Variants in UBE2E3 observed in about 807,000 individuals in gnomAD.
UBE2E3 encodes the protein ubiquitin-conjugating enzyme E2 E3.
A neutral mutation model predicts 23.6 loss-of-function variants in UBE2E3; 5 were observed. That is an observed-to-expected ratio of 0.21 (90% CI 0.11 to 0.44). The LOEUF (loss-of-function observed/expected upper bound fraction) is 0.44. UBE2E3 is among the 20% of genes least tolerant of loss of function. UBE2E3 has a pLI of 0.99. For synonymous variants in UBE2E3, 78 were observed against 87.5 expected (o/e 0.89, Z 0.60); for missense variants, 81 against 249.8 (o/e 0.32, Z 4.55).
At chr2:180,989,899 G>A (rs750011226) in intron 3 of UBE2E3, 10 of 1,548,558 alleles carry the variant, frequency 6.5e-6, no homozygotes, top group Non-Finnish European at 8.7e-6. Context: ...AGCAAGTCTT[G>A]CATAGAGTGT....
At chr2:181,048,338 C>A (rs973343122) in intron 3 of UBE2E3, among the ~76,000 whole-genome samples, 28 of 152,092 alleles carry the variant, frequency 1.8e-4, no homozygotes, top group Non-Finnish European at 3.7e-4. Context: ...TCAATAACTC[C>A]TTAATGAATG....
intron 3 of UBE2E3, among the ~76,000 whole-genome samples, chr2:181,031,625 G>A (rs890086528): frequency 6.6e-6 from 1 of 151,776 alleles, no homozygotes; most frequent in African/African-American, 2.4e-5. Context: ...CTCTTTCTGC[G>A]CCCCTCCTCC....
chr2:181,009,584 TC>T (rs1378814908), intron 3 of UBE2E3, among the ~76,000 whole-genome samples: 1 of 151,010 alleles, frequency 6.6e-6, no homozygotes, highest in Non-Finnish European at 1.5e-5. Flanking sequence ...TCTATATAGT[TC>T]TTTTTTGTTC....
chr2:181,024,095 A>G (rs1008709063), intron 3 of UBE2E3, among the ~76,000 whole-genome samples: 2 of 152,072 alleles, frequency 1.3e-5, no homozygotes, highest in Non-Finnish European at 2.9e-5. Context: ...AGGTCAGGTA[A>G]ACATGTATGT....
intron 3 of UBE2E3, chr2:180,990,095 A>G (rs1684610216): frequency 3.8e-6 from 4 of 1,058,554 alleles, no homozygotes; most frequent in African/African-American, 3.2e-5. Flanking sequence ...AAGCTGAAAC[A>G]TCTTCAAACT....
intron 3 of UBE2E3, among the ~76,000 whole-genome samples, chr2:181,017,246 T>C (rs910301992): frequency 6.6e-6 from 1 of 152,104 alleles, no homozygotes; most frequent in African/African-American, 2.4e-5. Context: ...TAAAGTGGGA[T>C]ACAGTGGTCA....
intron 3 of UBE2E3, among the ~76,000 whole-genome samples, chr2:181,009,896 T>C (rs967877235): frequency 1.1e-4 from 16 of 152,320 alleles, no homozygotes; most frequent in South Asian, 2.1e-4. Flanking sequence ...ATGTATAGCC[T>C]ATTTTTCTTG....
chr2:181,020,367 A>G (rs989220649), intron 3 of UBE2E3, among the ~76,000 whole-genome samples: 1 of 152,130 alleles, frequency 6.6e-6, no homozygotes, highest in African/African-American at 2.4e-5. Flanking sequence ...ATAAAGATTA[A>G]GGGCCACCAT....
At chr2:181,058,010 A>G (rs1279328687) in intron 4 of UBE2E3, among the ~76,000 whole-genome samples, 185 bp downstream of exon 4, 1 of 151,818 alleles carries the variant, frequency 6.6e-6, no homozygotes, top group East Asian at 1.9e-4. Context: ...ATAATTTGTA[A>G]TAAACAGAAA....
chr2:181,026,514 A>AT (rs776158592), intron 3 of UBE2E3, among the ~76,000 whole-genome samples: 8,155 of 138,932 alleles, frequency 0.059, 365 homozygotes, highest in African/African-American at 0.13. Context: ...TCTTTCAACT[A>AT]TTTTTTTTTT....
intron 3 of UBE2E3, among the ~76,000 whole-genome samples, chr2:181,050,022 T>G (rs1452343831): frequency 2.6e-5 from 4 of 151,992 alleles, no homozygotes; most frequent in Non-Finnish European, 4.4e-5. Flanking sequence ...GGCATCACAG[T>G]AATTTACAAA....
chr2:181,031,352 G>T (rs1334388057), intron 3 of UBE2E3, among the ~76,000 whole-genome samples: 1 of 151,972 alleles, frequency 6.6e-6, no homozygotes, highest in East Asian at 1.9e-4. Context: ...TGTGTTTGCT[G>T]TATTACTTTT....
At chr2:181,062,103 A>G (rs1687172638) in intron 5 of UBE2E3, among the ~76,000 whole-genome samples, 1 of 151,730 alleles carries the variant, frequency 6.6e-6, no homozygotes, top group African/African-American at 2.4e-5. Context: ...CTGGGAAGTA[A>G]TGTTGTAAAT....
chr2:180,990,235 G>A (rs1185703784), intron 3 of UBE2E3, among the ~76,000 whole-genome samples: 1 of 152,186 alleles, frequency 6.6e-6, no homozygotes, highest in African/African-American at 2.4e-5. Context: ...CATAACTGAA[G>A]GAGAAGGGGG....
intron 3 of UBE2E3, among the ~76,000 whole-genome samples, chr2:181,038,181 CT>C (rs1488191574): frequency 6.6e-6 from 1 of 152,136 alleles, no homozygotes; most frequent in Non-Finnish European, 1.5e-5. Flanking sequence ...AAGTGTACCA[CT>C]TTTTATCTTT....
At chr2:181,050,701 C>G (rs949659873) in intron 3 of UBE2E3, among the ~76,000 whole-genome samples, 1 of 151,760 alleles carries the variant, frequency 6.6e-6, no homozygotes, top group Admixed American at 6.6e-5. Context: ...ATATACGACC[C>G]TAGGCAAGTC....
chr2:180,991,024 C>A (rs895802947), intron 3 of UBE2E3, among the ~76,000 whole-genome samples: 1 of 152,062 alleles, frequency 6.6e-6, no homozygotes, highest in Non-Finnish European at 1.5e-5. Flanking sequence ...ATTACTGTTT[C>A]CACACCAAAA....
At chr2:181,046,133 G>GTAACACTGAGTA (rs1280456587) in intron 3 of UBE2E3, among the ~76,000 whole-genome samples, 7 of 152,124 alleles carry the variant, frequency 4.6e-5, no homozygotes, top group Admixed American at 4.6e-4. Flanking sequence ...GAGTGAATCA[G>GTAACACTGAGTA]TAACACTGAG....
At chr2:180,993,779 G>C (rs1334850575) in intron 3 of UBE2E3, among the ~76,000 whole-genome samples, 1 of 152,112 alleles carries the variant, frequency 6.6e-6, no homozygotes, top group African/African-American at 2.4e-5. Flanking sequence ...GATCTCAGAA[G>C]ATTGTGGCTA....
Sources: allele counts gnomAD v4.1 joint callset (sites outside exome capture counted in the v4.1 genomes callset), GRCh38; gene constraint gnomAD v4.1.1; transcripts MANE v1.5; gene names NCBI Gene and HGNC (gene_info 2026-07-23, HGNC 2026-07-21).